VTI1A: variants seen among roughly 807,000 people sequenced by gnomAD.
VTI1A encodes vesicle transport through interaction with t-SNAREs homolog 1A.
In VTI1A, 22 loss-of-function variants were observed where a neutral mutation model predicts 34.9. The observed-to-expected ratio is 0.63, with a 90% CI of 0.45 to 0.90. The LOEUF (loss-of-function observed/expected upper bound fraction) is 0.90. Among genes scored for constraint, VTI1A ranks in the 40% least tolerant of loss-of-function variants. The probability of loss-of-function intolerance (pLI) is 0.00; values close to 1 mark genes in which losing one functional copy is unlikely to be tolerated. For synonymous variants in VTI1A, 87 were observed against 97.3 expected (o/e 0.89, Z 0.62); for missense variants, 268 against 275.6 (o/e 0.97, Z 0.20).
chr10:112,634,294 CA>C (rs1202118715), intron 5 of VTI1A: 3 of 153,438 alleles, frequency 2.0e-5, no homozygotes, highest in African/African-American at 7.2e-5. Context: ...CCTGATTGTC[CA>C]TTTTTTGGTT....
intron 5 of VTI1A, among the ~76,000 whole-genome samples, chr10:112,651,989 A>C (rs1847041784): frequency 6.6e-6 from 1 of 152,212 alleles, no homozygotes; most frequent in African/African-American, 2.4e-5. Context: ...AGAAATTGTC[A>C]TGACTCCTAA....
At chr10:112,564,729 A>G (rs1480257621) in intron 5 of VTI1A, among the ~76,000 whole-genome samples, 1 of 152,156 alleles carries the variant, frequency 6.6e-6, no homozygotes, top group African/African-American at 2.4e-5. Flanking sequence ...ATTTCCCTGT[A>G]TGATGGCTCC....
chr10:112,607,939 AG>A (rs1319680451), intron 5 of VTI1A, among the ~76,000 whole-genome samples: 10 of 152,176 alleles, frequency 6.6e-5, no homozygotes, highest in African/African-American at 2.2e-4. Flanking sequence ...AGGTGAGAAT[AG>A]CCAAGACAAA....
At chr10:112,594,405 A>G (rs1307458790) in intron 5 of VTI1A, among the ~76,000 whole-genome samples, 1 of 152,142 alleles carries the variant, frequency 6.6e-6, no homozygotes, top group Non-Finnish European at 1.5e-5. Context: ...TTGTATATCT[A>G]GAAAACCCCA....
At chr10:112,778,492 ATGT>A (rs1299016952) in intron 7 of VTI1A, among the ~76,000 whole-genome samples, 3 of 149,334 alleles carry the variant, frequency 2.0e-5, no homozygotes, top group African/African-American at 5.1e-5. Context: ...CTTTCATAAA[ATGT>A]TGTATTTTTA....
chr10:112,541,996 T>C (rs894352156), intron 5 of VTI1A, among the ~76,000 whole-genome samples: 1 of 152,214 alleles, frequency 6.6e-6, no homozygotes, highest in African/African-American at 2.4e-5. Context: ...GCAGCTCTTT[T>C]TTTTTGTTGT....
Position 112,593,070 on chromosome 10 carries a change from G to T in VTI1A, c.427+54740G>T, listed in dbSNP as rs547397753. ...TAGATGCAGTCATCTTATACCAAAA[G>T]CGAGGATGATCTCCTCTCCCATCTT... On this transcript the variant is annotated intron_variant, in intron 5 of 7. Transcript: ENST00000393077. 4.6e-5 allele frequency among the ~76,000 whole-genome samples: 7 copies of T among 152,338 alleles called. No homozygotes were observed. In the East Asian group the frequency reaches 1.2e-3, roughly 25 times the overall value.
intron 7 of VTI1A, among the ~76,000 whole-genome samples, chr10:112,687,320 A>G (rs7090379): frequency 0.38 from 52,883 of 138,582 alleles, 9,732 homozygotes; most frequent in South Asian, 0.51. Flanking sequence ...TGCAAGCTCC[A>G]CCTCCCGGGT....
intron 5 of VTI1A, among the ~76,000 whole-genome samples, chr10:112,629,109 A>C (rs1430359290): frequency 6.6e-6 from 1 of 152,212 alleles, no homozygotes; most frequent in African/African-American, 2.4e-5. Flanking sequence ...TTGTTTGCCA[A>C]GTGAATGGCT....
intron 7 of VTI1A, among the ~76,000 whole-genome samples, chr10:112,763,813 T>C (rs575945697): frequency 2.0e-5 from 3 of 152,314 alleles, no homozygotes; most frequent in East Asian, 1.9e-4. Flanking sequence ...ACCTCTAGCC[T>C]CACCCTTTTT....
At chr10:112,768,763 G>A (rs1241998676) in intron 7 of VTI1A, among the ~76,000 whole-genome samples, 1 of 152,180 alleles carries the variant, frequency 6.6e-6, no homozygotes, top group Non-Finnish European at 1.5e-5. Flanking sequence ...TTCCATGTTA[G>A]TATTAGATCA....
chr10:112,533,682 A>G (rs1198825771), intron 4 of VTI1A: 7 of 428,452 alleles, frequency 1.6e-5, no homozygotes, highest in African/African-American at 2.2e-5. Context: ...TATCATTTAT[A>G]TTGTTCAGAA....
At chr10:112,594,210 C>T (rs1844524224) in intron 5 of VTI1A, among the ~76,000 whole-genome samples, 1 of 152,104 alleles carries the variant, frequency 6.6e-6, no homozygotes, top group South Asian at 2.1e-4. Flanking sequence ...CCCGGCCGGT[C>T]TCCATCTTTT....
chr10:112,623,587 C>T (rs1009203928), intron 5 of VTI1A, among the ~76,000 whole-genome samples: 1 of 151,992 alleles, frequency 6.6e-6, no homozygotes, highest in Non-Finnish European at 1.5e-5. Flanking sequence ...ACTGTGTGGC[C>T]AGGGGCACAT....
chr10:112,489,599 G>T (rs1468460409), intron 3 of VTI1A, among the ~76,000 whole-genome samples: 2 of 152,148 alleles, frequency 1.3e-5, no homozygotes, highest in Non-Finnish European at 2.9e-5. Context: ...GAAGTAATTT[G>T]TTAGGAACCT....
chr10:112,585,812 G>A (rs891798889), intron 5 of VTI1A, among the ~76,000 whole-genome samples: 2 of 152,030 alleles, frequency 1.3e-5, no homozygotes, highest in African/African-American at 4.8e-5. Context: ...CATAAAAAGT[G>A]TTGGGTGTTT....
intron 5 of VTI1A, among the ~76,000 whole-genome samples, chr10:112,644,437 G>A (rs1041123132): frequency 6.6e-5 from 10 of 152,208 alleles, no homozygotes; most frequent in African/African-American, 2.4e-4. Context: ...ATGAAGTCCT[G>A]TAATAAAGAC....
chr10:112,567,480 A>G (rs1022247608), intron 5 of VTI1A, among the ~76,000 whole-genome samples: 6 of 152,164 alleles, frequency 3.9e-5, no homozygotes, highest in African/African-American at 1.2e-4. Context: ...GATGTCTGTG[A>G]TATCACACAA....
chr10:112,493,140 C>G (rs905683765), intron 3 of VTI1A, among the ~76,000 whole-genome samples: 2 of 152,148 alleles, frequency 1.3e-5, no homozygotes, highest in African/African-American at 2.4e-5. Flanking sequence ...TCTTTAATTT[C>G]TTTTAGCAAT....
Sources: allele counts gnomAD v4.1 joint callset (sites outside exome capture counted in the v4.1 genomes callset), GRCh38; gene constraint gnomAD v4.1.1; transcripts MANE v1.5; gene names NCBI Gene and HGNC (gene_info 2026-07-23, HGNC 2026-07-21).